The following RANBP2 variants were observed in gnomAD, a reference collection of about 807,000 sequenced individuals.
RANBP2 encodes RAN binding protein 2.
In RANBP2, 57 loss-of-function variants were observed where a neutral mutation model predicts 303.6. The ratio of observed to expected loss-of-function variants is 0.19; its 90% confidence interval spans 0.15 to 0.23. The LOEUF (loss-of-function observed/expected upper bound fraction) is 0.23, where lower values mean the gene tolerates loss of function less well. RANBP2 is among the 10% of genes least tolerant of loss of function. The pLI is 1.00. For synonymous variants in RANBP2, 1,167 were observed against 1,301.5 expected (o/e 0.90, Z 2.23); for missense variants, 3,138 against 3,780.8 (o/e 0.83, Z 4.46).
chr2:109,058,034 C>T, the RANBP2 span, among the ~76,000 whole-genome samples: 1 of 152,208 alleles, frequency 6.6e-6, no homozygotes, highest in Non-Finnish European at 1.5e-5. Context: ...TTACAGTTTG[C>T]AGGTCTCACA....
chr2:108,980,567 G>A, the RANBP2 span, among the ~76,000 whole-genome samples: 9 of 152,124 alleles, frequency 5.9e-5, no homozygotes, highest in South Asian at 2.1e-4. Flanking sequence ...TGTATAAGTC[G>A]TTGAGTGGAC....
At chr2:109,376,908 G>A in the RANBP2 span, among the ~76,000 whole-genome samples, 1 of 152,230 alleles carries the variant, frequency 6.6e-6, no homozygotes, top group Non-Finnish European at 1.5e-5. Context: ...TGACCATCCT[G>A]TGCCTAGATA....
At chr2:108,818,815 TCTGA>T in the RANBP2 span, among the ~76,000 whole-genome samples, 71 of 151,414 alleles carry the variant, frequency 4.7e-4, no homozygotes, top group African/African-American at 1.6e-3. Flanking sequence ...TTTGGAAACT[TCTGA>T]CTTTTTTTTT....
At chr2:109,544,808 A>G in the RANBP2 span, 1 of 752,148 alleles carries the variant, frequency 1.3e-6, no homozygotes, top group African/African-American at 1.9e-5. Context: ...CATGCCTACT[A>G]TGTACCAGAC....
the RANBP2 span, among the ~76,000 whole-genome samples, chr2:109,114,059 G>A: frequency 1.3e-5 from 2 of 152,070 alleles, no homozygotes; most frequent in African/African-American, 2.4e-5. Flanking sequence ...GAGGATTTTT[G>A]CATCAATGTT....
the RANBP2 span, among the ~76,000 whole-genome samples, chr2:108,951,710 A>G: frequency 6.6e-6 from 1 of 152,138 alleles, no homozygotes; most frequent in African/African-American, 2.4e-5. Context: ...ATACTAGATC[A>G]TTCTAAAGGT....
At chr2:109,269,942 C>CT in the RANBP2 span, among the ~76,000 whole-genome samples, 11 of 152,214 alleles carry the variant, frequency 7.2e-5, no homozygotes, top group Non-Finnish European at 1.6e-4. Context: ...TACTAATAAG[C>CT]TGGTTGTACA....
chr2:109,036,203 T>G, the RANBP2 span, among the ~76,000 whole-genome samples: 790 of 152,284 alleles, frequency 5.2e-3, 5 homozygotes, highest in African/African-American at 0.018. Flanking sequence ...CCATAGCTGC[T>G]ACAGAAATTA....
chr2:109,306,885 G>A, the RANBP2 span, among the ~76,000 whole-genome samples: 4 of 152,214 alleles, frequency 2.6e-5, no homozygotes, highest in African/African-American at 9.6e-5. Flanking sequence ...TTCAACGGGT[G>A]TGCGGTGTAC....
At chr2:109,083,061 C>T in the RANBP2 span, among the ~76,000 whole-genome samples, 36 of 151,990 alleles carry the variant, frequency 2.4e-4, no homozygotes, top group Non-Finnish European at 4.0e-4. Context: ...CTCCTGACCA[C>T]GTGATCCACC....
At chr2:109,130,207 C>T in the RANBP2 span, 1 of 1,158,594 alleles carries the variant, frequency 8.6e-7, no homozygotes, top group Non-Finnish European at 1.1e-6. Context: ...GCGGAGGAGA[C>T]CACGGGTGGT....
chr2:108,775,513 C>T (rs568356991), intron 23 of RANBP2, among the ~76,000 whole-genome samples: 22 of 152,258 alleles, frequency 1.4e-4, no homozygotes, highest in Non-Finnish European at 2.6e-4. Flanking sequence ...GATCCTTATT[C>T]TTCCTGTTTT....
the RANBP2 span, among the ~76,000 whole-genome samples, chr2:109,092,583 C>T: frequency 1.3e-5 from 2 of 152,260 alleles, no homozygotes; most frequent in Admixed American, 1.3e-4. Flanking sequence ...GTGGCTTGAA[C>T]CCTACAGCTA....
At chr2:109,012,833 G>A in the RANBP2 span, among the ~76,000 whole-genome samples, 1 of 152,174 alleles carries the variant, frequency 6.6e-6, no homozygotes, top group South Asian at 2.1e-4. Flanking sequence ...AGAATGGCGT[G>A]GACCTGGGAG....
chr2:108,753,639 T>C (rs1474472372), intron 14 of RANBP2, 76 bp downstream of exon 14: 3 of 1,592,646 alleles, frequency 1.9e-6, no homozygotes, highest in African/African-American at 2.7e-5. Flanking sequence ...GGTTTCTCTG[T>C]TGGTCGGGCT....
the RANBP2 span, among the ~76,000 whole-genome samples, chr2:109,560,369 A>C: frequency 1.3e-5 from 2 of 152,064 alleles, no homozygotes; most frequent in African/African-American, 4.8e-5. Flanking sequence ...CCCTCTGTCA[A>C]GTTCCAAGAC....
chr2:109,607,728 T>C, the RANBP2 span, among the ~76,000 whole-genome samples: 2 of 152,082 alleles, frequency 1.3e-5, no homozygotes, highest in African/African-American at 4.8e-5. Context: ...AGGCAAAGTT[T>C]AGTCTTTCCT....
chr2:109,280,521 A>G, the RANBP2 span, among the ~76,000 whole-genome samples: 1 of 152,166 alleles, frequency 6.6e-6, no homozygotes, highest in Non-Finnish European at 1.5e-5. Context: ...CACTGGGGCC[A>G]TGGTCCAATA....
At chr2:109,432,530 A>G in the RANBP2 span, 5 of 1,613,574 alleles carry the variant, frequency 3.1e-6, no homozygotes, top group African/African-American at 1.3e-5. Flanking sequence ...TACAAGCCCC[A>G]GAAGAGTGAC....
Sources: gnomAD v4.1 joint callset for allele counts (sites outside exome capture counted in the v4.1 genomes callset) on GRCh38, gnomAD v4.1.1 for gene constraint, MANE v1.5 for transcripts, NCBI Gene and HGNC (gene_info 2026-07-23, HGNC 2026-07-21) for gene names.